Variants in IMMP1L observed in about 807,000 individuals in gnomAD.
IMMP1L encodes the protein inner mitochondrial membrane peptidase subunit 1.
IMMP1L carries 24 observed loss-of-function variants against 21.8 expected under a neutral mutation model. The observed-to-expected ratio is 1.10, with a 90% CI of 0.80 to 1.55. The LOEUF is 1.55. IMMP1L is among the 40% of genes most tolerant of loss of function. The pLI is 0.00. For synonymous variants in IMMP1L, 46 were observed against 62.8 expected (o/e 0.73, Z 1.26); for missense variants, 195 against 200.7 (o/e 0.97, Z 0.17).
At chr11:31,448,983 T>C in intron 4 of IMMP1L, 1 of 985,404 alleles carries the variant, frequency 1.0e-6, no homozygotes, top group Non-Finnish European at 1.2e-6. Flanking sequence ...AGTAAACATA[T>C]TTCCTCCATA....
chr11:31,439,661 G>A (rs1308549949), intron 4 of IMMP1L, among the ~76,000 whole-genome samples: 2 of 152,190 alleles, frequency 1.3e-5, no homozygotes, highest in East Asian at 1.9e-4. Flanking sequence ...TTTATAGAGT[G>A]TTGAATGTTG....
At chr11:31,455,390 G>A (rs1457691171) in intron 4 of IMMP1L, among the ~76,000 whole-genome samples, 1 of 152,050 alleles carries the variant, frequency 6.6e-6, no homozygotes, top group Non-Finnish European at 1.5e-5. Flanking sequence ...GTAAACAAAA[G>A]GCCATCTCTT....
intron 4 of IMMP1L, among the ~76,000 whole-genome samples, chr11:31,434,303 T>A (rs538978296): frequency 6.6e-6 from 1 of 152,280 alleles, no homozygotes; most frequent in East Asian, 1.9e-4. Flanking sequence ...GTGACAATCA[T>A]AAGCATATTT....
At chr11:31,478,430 A>G (rs1954792218) in intron 1 of IMMP1L, among the ~76,000 whole-genome samples, 1 of 152,206 alleles carries the variant, frequency 6.6e-6, no homozygotes, top group Non-Finnish European at 1.5e-5. Flanking sequence ...AGAAATTAAC[A>G]TCTTGTTTGC....
chr11:31,501,788 T>TATAA (rs1399229827), intron 1 of IMMP1L, among the ~76,000 whole-genome samples: 9 of 127,930 alleles, frequency 7.0e-5, no homozygotes, highest in African/African-American at 2.9e-4. Context: ...ACCCCATCTC[T>TATAA]ACAAATAAAT....
At chr11:31,454,142 A>T (rs1953854869) in intron 4 of IMMP1L, among the ~76,000 whole-genome samples, 1 of 152,200 alleles carries the variant, frequency 6.6e-6, no homozygotes, top group Non-Finnish European at 1.5e-5. Context: ...TATTAGAATG[A>T]TGTACTGTAT....
chr11:31,493,480 T>C (rs1281979176), intron 1 of IMMP1L, among the ~76,000 whole-genome samples: 1 of 151,268 alleles, frequency 6.6e-6, no homozygotes, highest in Non-Finnish European at 1.5e-5. Flanking sequence ...TTATGGAAAC[T>C]GTAATTCAAG....
At chr11:31,474,659 T>C (rs1322001442) in intron 1 of IMMP1L, among the ~76,000 whole-genome samples, 1 of 152,076 alleles carries the variant, frequency 6.6e-6, no homozygotes, top group Non-Finnish European at 1.5e-5. Flanking sequence ...CACTCCAGCC[T>C]GGGCAATAAA....
intron 1 of IMMP1L, among the ~76,000 whole-genome samples, chr11:31,507,121 T>C (rs1303706810): frequency 4.0e-5 from 6 of 149,732 alleles, no homozygotes; most frequent in African/African-American, 1.5e-4. Flanking sequence ...CTACTAAAAA[T>C]ACAAAAAATC....
chr11:31,441,253 G>C (rs1220205373), intron 4 of IMMP1L, among the ~76,000 whole-genome samples: 4 of 151,490 alleles, frequency 2.6e-5, no homozygotes, highest in Non-Finnish European at 5.9e-5. Flanking sequence ...TTTTAAAAAA[G>C]GGAGCATCAT....
At chr11:31,446,854 C>T (rs963920775) in intron 4 of IMMP1L, among the ~76,000 whole-genome samples, 6 of 152,206 alleles carry the variant, frequency 3.9e-5, no homozygotes, top group African/African-American at 7.2e-5. Context: ...ATCTATTCCT[C>T]CAACTTAACT....
At chr11:31,457,038 T>A (rs1049748777) in intron 3 of IMMP1L, among the ~76,000 whole-genome samples, 1 of 151,824 alleles carries the variant, frequency 6.6e-6, no homozygotes, top group Non-Finnish European at 1.5e-5. Context: ...GTAGCACTGA[T>A]TGACTCTAGA....
chr11:31,463,115 T>C, intron 2 of IMMP1L, 57 bp downstream of exon 2: 6 of 1,386,460 alleles, frequency 4.3e-6, no homozygotes, highest in Non-Finnish European at 5.9e-6. Flanking sequence ...CACACTTTCC[T>C]TCCATTTGAA....
chr11:31,466,728 A>AGT (rs1396304028), intron 1 of IMMP1L, among the ~76,000 whole-genome samples: 1 of 152,086 alleles, frequency 6.6e-6, no homozygotes. Context: ...ATGGAAGTAT[A>AGT]GTGTAGAATT....
chr11:31,456,876 CAAAAAAAAAA>C (rs56849120), intron 3 of IMMP1L, among the ~76,000 whole-genome samples: 1 of 17,966 alleles, frequency 5.6e-5, no homozygotes, highest in Non-Finnish European at 1.1e-4. Context: ...ACCATGTCTC[CAAAAAAAAAA>C]AAAAAAAAAA....
intron 4 of IMMP1L, among the ~76,000 whole-genome samples, chr11:31,451,087 T>C (rs895446807): frequency 6.6e-6 from 1 of 152,058 alleles, no homozygotes; most frequent in Non-Finnish European, 1.5e-5. Flanking sequence ...AACAGATAAA[T>C]GAATGGGCAT....
rs545286083 is a variant in IMMP1L, at chr11:31,459,971, A to C, written c.194+655T>G. ...CAGGAGTTTGAGACCAGCCTGGGCA[A>C]CATGGCGAAACCCAGTCTCTACAAA... On this transcript the variant is annotated intron_variant, in intron 3 of 5. Transcript: ENST00000532287. Among the ~76,000 whole-genome samples the C allele has an allele frequency of 7.9e-5, 12 of 152,182 alleles. No individual in the cohort carries two copies. In the East Asian group the frequency reaches 1.9e-3, roughly 25 times the overall value.
intron 1 of IMMP1L, among the ~76,000 whole-genome samples, chr11:31,485,680 A>C (rs16922197): frequency 0.02 from 3,046 of 151,994 alleles, 87 homozygotes; most frequent in African/African-American, 0.069. Context: ...AGGCACTGAC[A>C]ACAAAAAGCA....
intron 1 of IMMP1L, among the ~76,000 whole-genome samples, chr11:31,490,871 C>T (rs919286043): frequency 6.6e-6 from 1 of 152,076 alleles, no homozygotes; most frequent in African/African-American, 2.4e-5. Flanking sequence ...ACGGGAACGT[C>T]CTCATTAGAG....
Sources: gnomAD v4.1 joint callset for allele counts (sites outside exome capture counted in the v4.1 genomes callset) on GRCh38, gnomAD v4.1.1 for gene constraint, MANE v1.5 for transcripts, NCBI Gene and HGNC (gene_info 2026-07-23, HGNC 2026-07-21) for gene names.